The following WDR72 variants were observed in gnomAD, a reference collection of about 807,000 sequenced individuals.
WDR72 encodes the protein WD repeat-containing protein 72.
A neutral mutation model predicts 124.2 loss-of-function variants in WDR72; 120 were observed. That is an observed-to-expected ratio of 0.97 (90% CI 0.83 to 1.12). The LOEUF (loss-of-function observed/expected upper bound fraction) is 1.12. Among genes scored for constraint, WDR72 ranks in the 50% most tolerant of loss-of-function variants. WDR72 has a pLI of 0.00. For synonymous variants in WDR72, 452 were observed against 441.7 expected, an observed-to-expected ratio of 1.02 and a Z score of -0.29; for missense variants, 1,387 against 1,278.8, an observed-to-expected ratio of 1.08 and a Z score of -1.29.
intron 17 of WDR72, among the ~76,000 whole-genome samples, chr15:53,608,927 C>T (rs1040008021): frequency 2.4e-4 from 37 of 152,028 alleles, no homozygotes; most frequent in African/African-American, 8.7e-4. Context: ...ATAATACCTA[C>T]TATTTGATAG....
intron 3 of WDR72, among the ~76,000 whole-genome samples, chr15:53,718,415 T>C (rs952244031): frequency 1.3e-5 from 2 of 152,230 alleles, no homozygotes; most frequent in African/African-American, 4.8e-5. Flanking sequence ...AAAATATTAA[T>C]GTATTTAAAC....
intron 6 of WDR72, 110 bp from the exon 7 acceptor site, chr15:53,713,001 A>T: frequency 8.1e-7 from 1 of 1,230,458 alleles, no homozygotes. Flanking sequence ...TATAAAACGA[A>T]AAGTATCTGA....
At chr15:53,741,775 G>A (rs559093776) in intron 1 of WDR72, among the ~76,000 whole-genome samples, 1 of 150,570 alleles carries the variant, frequency 6.6e-6, no homozygotes, top group African/African-American at 2.5e-5. Context: ...TGTCACTCAC[G>A]CTGGAGTGGT....
chr15:53,713,524 C>G (rs1165670169), intron 6 of WDR72, among the ~76,000 whole-genome samples: 1 of 151,050 alleles, frequency 6.6e-6, no homozygotes, highest in Non-Finnish European at 1.5e-5. Flanking sequence ...GATCTCGGCT[C>G]ACTGCAACCC....
chr15:53,558,791 C>A (rs1894019722), intron 18 of WDR72, among the ~76,000 whole-genome samples: 1 of 151,960 alleles, frequency 6.6e-6, no homozygotes, highest in South Asian at 2.1e-4. Flanking sequence ...CTGGCCTATT[C>A]TGATGCATAG....
intron 18 of WDR72, among the ~76,000 whole-genome samples, chr15:53,533,499 C>T (rs937719318): frequency 9.9e-5 from 15 of 152,102 alleles, no homozygotes; most frequent in Admixed American, 5.9e-4. Flanking sequence ...ACCCCTAAAA[C>T]CAAGGTCTGA....
chr15:53,729,934 A>G (rs1431506070), intron 2 of WDR72, among the ~76,000 whole-genome samples: 1 of 152,242 alleles, frequency 6.6e-6, no homozygotes, highest in African/African-American at 2.4e-5. Flanking sequence ...TTAACACTCC[A>G]TAAATATGTA....
chr15:53,663,838 C>T (rs1295188219), intron 14 of WDR72, among the ~76,000 whole-genome samples: 1 of 151,324 alleles, frequency 6.6e-6, no homozygotes, highest in Non-Finnish European at 1.5e-5. Flanking sequence ...CAGTGTGGTT[C>T]AATTTCCCAC....
chr15:53,545,118 C>T (rs1344159501), intron 18 of WDR72, among the ~76,000 whole-genome samples: 2 of 149,166 alleles, frequency 1.3e-5, no homozygotes, highest in African/African-American at 5.0e-5. Flanking sequence ...ATGCCATCCC[C>T]ATAAAGCTAC....
chr15:53,524,302 C>T (rs1298078459), intron 18 of WDR72, among the ~76,000 whole-genome samples: 1 of 152,060 alleles, frequency 6.6e-6, no homozygotes, highest in Non-Finnish European at 1.5e-5. Flanking sequence ...TTTGATAACA[C>T]ATGCAATGTA....
chr15:53,722,700 T>A, intron 3 of WDR72, 102 bp downstream of exon 3: 2 of 989,492 alleles, frequency 2.0e-6, no homozygotes, highest in South Asian at 2.6e-5. Context: ...GAGGCACATG[T>A]TGATCACAAA....
intron 12 of WDR72, among the ~76,000 whole-genome samples, chr15:53,700,907 A>G (rs1489734309): frequency 1.3e-5 from 2 of 152,190 alleles, no homozygotes; most frequent in African/African-American, 4.8e-5. Context: ...AGGCAGCCCA[A>G]CGTGCTCCAG....
At chr15:53,676,357 T>C (rs921967519) in intron 13 of WDR72, among the ~76,000 whole-genome samples, 2 of 152,242 alleles carry the variant, frequency 1.3e-5, no homozygotes, top group African/African-American at 4.8e-5. Context: ...CAGTTGTCCT[T>C]ATAATAAGCA....
chr15:53,715,767 G>A (rs559228388), intron 4 of WDR72, among the ~76,000 whole-genome samples: 24 of 152,158 alleles, frequency 1.6e-4, no homozygotes, highest in Non-Finnish European at 2.5e-4. Flanking sequence ...TGAGGTTGCC[G>A]TTAGCACCAC....
At chr15:53,622,649 C>A (rs1302890211) in intron 14 of WDR72, among the ~76,000 whole-genome samples, 1 of 151,930 alleles carries the variant, frequency 6.6e-6, no homozygotes, top group Non-Finnish European at 1.5e-5. Context: ...GGAGGGAGAG[C>A]ATCAGGATAA....
chr15:53,549,020 C>T (rs1019058562), intron 18 of WDR72, among the ~76,000 whole-genome samples: 1 of 152,102 alleles, frequency 6.6e-6, no homozygotes, highest in African/African-American at 2.4e-5. Context: ...AGAACACAAA[C>T]ATCTAGGTAG....
intron 2 of WDR72, among the ~76,000 whole-genome samples, chr15:53,723,761 T>C (rs1019497942): frequency 2.0e-5 from 3 of 152,236 alleles, no homozygotes; most frequent in Admixed American, 6.5e-5. Flanking sequence ...AGATTACTTA[T>C]AATACCTAAT....
intron 18 of WDR72, among the ~76,000 whole-genome samples, chr15:53,586,633 G>C (rs1042566312): frequency 6.6e-6 from 1 of 151,996 alleles, no homozygotes; most frequent in African/African-American, 2.4e-5. Context: ...TAGTAGTTCA[G>C]TAACATATAC....
At chr15:53,702,652 C>A (rs572633499) in intron 11 of WDR72, among the ~76,000 whole-genome samples, 1 of 152,026 alleles carries the variant, frequency 6.6e-6, no homozygotes, top group South Asian at 2.1e-4. Context: ...ATGGGCAGAT[C>A]GCTTGAGGTC....
Sources: allele counts gnomAD v4.1 joint callset (sites outside exome capture counted in the v4.1 genomes callset), GRCh38; gene constraint gnomAD v4.1.1; transcripts MANE v1.5; gene names NCBI Gene and HGNC (gene_info 2026-07-23, HGNC 2026-07-21).